The following BMPR1B variants were observed in gnomAD, a reference collection of about 807,000 sequenced individuals.
The protein encoded by BMPR1B is bone morphogenetic protein receptor type 1B.
BMPR1B carries 12 observed loss-of-function variants against 59.1 expected under a neutral mutation model. The ratio of observed to expected loss-of-function variants is 0.20; its 90% confidence interval spans 0.13 to 0.33. The LOEUF is 0.33. Ranked by LOEUF, BMPR1B falls within the 10% of genes least tolerant of loss-of-function variation. BMPR1B has a pLI of 1.00. For missense variants in BMPR1B, 550 were observed against 610.9 expected (o/e 0.90, Z 1.05); for synonymous variants, 237 against 207.3 (o/e 1.14, Z -1.23).
At chr4:94,908,453 C>G (rs966376887) in intron 2 of BMPR1B, among the ~76,000 whole-genome samples, 2 of 151,674 alleles carry the variant, frequency 1.3e-5, no homozygotes, top group Admixed American at 6.6e-5. Context: ...CTCTCAGTGG[C>G]CCCGTCTCTT....
intron 1 of BMPR1B, among the ~76,000 whole-genome samples, chr4:94,871,406 A>G (rs1019054814): frequency 1.3e-5 from 2 of 152,186 alleles, no homozygotes; most frequent in Non-Finnish European, 2.9e-5. Context: ...AATTTTATAT[A>G]TAAGTATTTT....
chr4:94,918,695 AT>A (rs1468258741), intron 2 of BMPR1B, among the ~76,000 whole-genome samples: 2 of 150,622 alleles, frequency 1.3e-5, no homozygotes, highest in East Asian at 3.9e-4. Flanking sequence ...AAAAAAAAAA[AT>A]GAAGCTTCTA....
intron 3 of BMPR1B, among the ~76,000 whole-genome samples, chr4:95,059,310 TTATATA>T (rs374460679): frequency 6.6e-6 from 1 of 152,126 alleles, no homozygotes; most frequent in Non-Finnish European, 1.5e-5. Flanking sequence ...CATATGTTTC[TTATATA>T]TATATGTGTG....
intron 3 of BMPR1B, among the ~76,000 whole-genome samples, chr4:95,098,899 G>A (rs1251492602): frequency 1.3e-5 from 2 of 152,058 alleles, no homozygotes; most frequent in Non-Finnish European, 1.5e-5. Flanking sequence ...TGTATTTTTA[G>A]TAGAGACGTG....
intron 12 of BMPR1B, 47 bp downstream of exon 12, chr4:95,152,820 CTT>C (rs768677777): frequency 9.4e-6 from 15 of 1,598,802 alleles, no homozygotes; most frequent in Non-Finnish European, 1.3e-5. Flanking sequence ...TCTAAATAGA[CTT>C]TTCTTTTTTA....
At chr4:94,783,019 A>T (rs1722639765) in intron 1 of BMPR1B, among the ~76,000 whole-genome samples, 1 of 152,120 alleles carries the variant, frequency 6.6e-6, no homozygotes, top group African/African-American at 2.4e-5. Flanking sequence ...AGTCTTTGAT[A>T]TTACCTCTCT....
intron 3 of BMPR1B, among the ~76,000 whole-genome samples, chr4:95,085,609 A>G (rs1286149878): frequency 6.6e-6 from 1 of 152,204 alleles, no homozygotes; most frequent in Non-Finnish European, 1.5e-5. Flanking sequence ...GAATGTTAGT[A>G]ATGAAGGTCT....
At chr4:95,148,719 T>C in intron 10 of BMPR1B, 29 bp from the exon 11 acceptor site, 1 of 1,607,160 alleles carries the variant, frequency 6.2e-7, no homozygotes, top group African/African-American at 1.3e-5. Context: ...TCTTCAATGC[T>C]GTAATGCTTT....
intron 3 of BMPR1B, among the ~76,000 whole-genome samples, chr4:95,093,279 A>G (rs569909884): frequency 1.5e-3 from 227 of 152,238 alleles, no homozygotes; most frequent in African/African-American, 5.3e-3. Flanking sequence ...TTTTTAATTT[A>G]TATAAACATT....
At chr4:95,114,320 TC>T (rs1731848797) in intron 4 of BMPR1B, among the ~76,000 whole-genome samples, 3 of 152,232 alleles carry the variant, frequency 2.0e-5, no homozygotes, top group African/African-American at 7.2e-5. Flanking sequence ...CTCAGTTTCC[TC>T]ATATAGAAAG....
intron 1 of BMPR1B, among the ~76,000 whole-genome samples, chr4:94,787,410 A>G (rs4599420): frequency 0.56 from 84,880 of 152,062 alleles, 23,910 homozygotes; most frequent in Middle Eastern, 0.7. Context: ...GAAGCAGGTT[A>G]TAAGGCCCTC....
chr4:94,901,196 T>C lies in BMPR1B; in HGVS notation c.-113+25296T>C, dbSNP rs530640526. 7.2e-5 allele frequency among the ~76,000 whole-genome samples: 11 copies of C among 152,080 alleles called. No homozygotes were observed. In the East Asian group the frequency reaches 2.1e-3, roughly 30 times the overall value. ...CAAATTGAGTGTTGTGACCTATTAA[T>C]GGGGTCATGACATCAATATAGTGGG... On this transcript the variant is annotated intron_variant, in intron 2 of 12. Transcript: ENST00000515059.
intron 2 of BMPR1B, among the ~76,000 whole-genome samples, chr4:94,903,001 C>G (rs943275657): frequency 2.0e-5 from 3 of 152,000 alleles, no homozygotes; most frequent in Non-Finnish European, 4.4e-5. Context: ...ATGCTTGGCA[C>G]ATAGCAGGGT....
At chr4:94,857,770 T>G (rs1487865644) in intron 1 of BMPR1B, among the ~76,000 whole-genome samples, 1 of 152,220 alleles carries the variant, frequency 6.6e-6, no homozygotes, top group African/African-American at 2.4e-5. Context: ...TAAATTTGCT[T>G]AAACCTATTT....
intron 3 of BMPR1B, among the ~76,000 whole-genome samples, chr4:95,071,619 T>C (rs972525113): frequency 2.6e-4 from 36 of 138,706 alleles, no homozygotes; most frequent in African/African-American, 9.6e-4. Context: ...AGATTATGAA[T>C]ATATATGTGT....
At chr4:94,986,338 G>A (rs1417639821) in intron 2 of BMPR1B, among the ~76,000 whole-genome samples, 1 of 152,058 alleles carries the variant, frequency 6.6e-6, no homozygotes, top group Non-Finnish European at 1.5e-5. Flanking sequence ...TTAGAGGATG[G>A]AAAACAAAAC....
At chr4:94,882,863 G>A (rs17022451) in intron 2 of BMPR1B, among the ~76,000 whole-genome samples, 4,525 of 152,202 alleles carry the variant, frequency 0.03, 141 homozygotes, top group African/African-American at 0.073. Context: ...GATTTGGTTG[G>A]CAGTGCAAAC....
At chr4:95,064,041 G>C (rs561188011) in intron 3 of BMPR1B, among the ~76,000 whole-genome samples, 3 of 152,148 alleles carry the variant, frequency 2.0e-5, no homozygotes, top group Middle Eastern at 6.8e-3. Flanking sequence ...GTTAGTTGGA[G>C]TATAATAGTT....
At chr4:95,132,342 A>C (rs1733420082) in intron 10 of BMPR1B, among the ~76,000 whole-genome samples, 1 of 152,192 alleles carries the variant, frequency 6.6e-6, no homozygotes, top group South Asian at 2.1e-4. Flanking sequence ...CATGGAGAGG[A>C]GCACAAAGAA....
Sources: allele counts gnomAD v4.1 joint callset (sites outside exome capture counted in the v4.1 genomes callset), GRCh38; gene constraint gnomAD v4.1.1; transcripts MANE v1.5; gene names NCBI Gene and HGNC (gene_info 2026-07-23, HGNC 2026-07-21).